Variants in TNPO1 observed in about 807,000 individuals in gnomAD.
The protein encoded by TNPO1 is transportin-1.
TNPO1 carries 8 observed loss-of-function variants against 119.5 expected under a neutral mutation model. The observed-to-expected ratio is 0.07, with a 90% CI of 0.04 to 0.12. The LOEUF (loss-of-function observed/expected upper bound fraction) is 0.12, where lower values mean the gene tolerates loss of function less well. Among genes scored for constraint, TNPO1 ranks in the 10% least tolerant of loss-of-function variants. The probability of loss-of-function intolerance (pLI) is 1.00; values close to 1 mark genes in which losing one functional copy is unlikely to be tolerated. For synonymous variants in TNPO1, 362 were observed against 363.0 expected (o/e 1.00, Z 0.03); for missense variants, 576 against 1,089.8 (o/e 0.53, Z 6.64).
chr5:72,873,413 G>A (rs1313448905), intron 7 of TNPO1, among the ~76,000 whole-genome samples: 2 of 152,106 alleles, frequency 1.3e-5, no homozygotes, highest in East Asian at 3.8e-4. Context: ...AAATTATAAG[G>A]AAGAGTAGGG....
chr5:72,824,172 T>C (rs750506330), intron 1 of TNPO1, among the ~76,000 whole-genome samples: 2 of 152,210 alleles, frequency 1.3e-5, no homozygotes, highest in Non-Finnish European at 2.9e-5. Flanking sequence ...TCTCATCTGC[T>C]CAAGGACTTT....
chr5:72,906,004 G>A (rs1750115665), intron 24 of TNPO1, among the ~76,000 whole-genome samples: 1 of 152,154 alleles, frequency 6.6e-6, no homozygotes, highest in Admixed American at 6.5e-5. Flanking sequence ...TAGGTATAAA[G>A]AAATCCACGT....
At chr5:72,898,411 T>G (rs1450138362) in intron 20 of TNPO1, among the ~76,000 whole-genome samples, 1 of 152,172 alleles carries the variant, frequency 6.6e-6, no homozygotes, top group African/African-American at 2.4e-5. Flanking sequence ...CCTACATAAA[T>G]AAGTCATAAT....
chr5:72,902,691 A>G (rs1749880388), intron 22 of TNPO1, among the ~76,000 whole-genome samples: 1 of 152,178 alleles, frequency 6.6e-6, no homozygotes, highest in Admixed American at 6.5e-5. Context: ...TAAAATTGTT[A>G]CCAACTTAAG....
chr5:72,878,130 A>T (rs1171546814), intron 9 of TNPO1, among the ~76,000 whole-genome samples: 1 of 152,106 alleles, frequency 6.6e-6, no homozygotes, highest in African/African-American at 2.4e-5. Context: ...ATAAATGACG[A>T]TTATATATGT....
chr5:72,832,244 A>G (rs1744508235), intron 1 of TNPO1, among the ~76,000 whole-genome samples: 1 of 152,142 alleles, frequency 6.6e-6, no homozygotes, highest in Admixed American at 6.5e-5. Context: ...CCTCAGCAGC[A>G]TAGGATATTA....
chr5:72,901,933 A>G (rs1360672049), intron 22 of TNPO1, among the ~76,000 whole-genome samples: 2 of 152,062 alleles, frequency 1.3e-5, no homozygotes, highest in African/African-American at 4.8e-5. Context: ...AAAATTAGCC[A>G]GGCTTGGTGG....
intron 2 of TNPO1, among the ~76,000 whole-genome samples, chr5:72,849,028 G>A (rs1374706580): frequency 6.6e-6 from 1 of 152,098 alleles, no homozygotes; most frequent in Admixed American, 6.5e-5. Context: ...GGTCTTGGGG[G>A]TTTTTCCACG....
At chr5:72,904,795 C>G (rs1375780952) in intron 23 of TNPO1, among the ~76,000 whole-genome samples, 2 of 151,990 alleles carry the variant, frequency 1.3e-5, no homozygotes, top group Non-Finnish European at 1.5e-5. Flanking sequence ...GAAACTCTGT[C>G]CCCGCCACAC....
At chr5:72,850,618 G>A (rs917187999) in intron 2 of TNPO1, among the ~76,000 whole-genome samples, 2 of 152,164 alleles carry the variant, frequency 1.3e-5, no homozygotes, top group Admixed American at 6.5e-5. Flanking sequence ...GCTGCCTCCC[G>A]ACAGCGATGA....
At chr5:72,823,818 A>G (rs1561290342) in intron 1 of TNPO1, among the ~76,000 whole-genome samples, 2 of 152,138 alleles carry the variant, frequency 1.3e-5, no homozygotes, top group Admixed American at 6.5e-5. Context: ...ACACATGGCC[A>G]CAAACCTTAA....
At position 72,897,639 on chromosome 5, in the gene TNPO1, T is replaced by A. The variant is rs867126314; in HGVS notation, c.2338+488T>A. Among the ~76,000 whole-genome samples the A allele has an allele frequency of 5.9e-5, 9 of 151,992 alleles. No individual in the cohort carries two copies. The East Asian group carries it at 7.7e-4, about 13-fold the overall frequency. On this transcript the variant is annotated intron_variant, in intron 20 of 24. Coordinates refer to ENST00000337273, the MANE Select transcript of TNPO1 (RefSeq NM_002270.4). ...TGGGATTTTTTTTTTAATTTATTTT[T>A]TTTTTTTTAGGAAGCTTGTTTCTCT...
At chr5:72,857,520 C>T (rs996786345) in intron 4 of TNPO1, among the ~76,000 whole-genome samples, 6 of 152,180 alleles carry the variant, frequency 3.9e-5, no homozygotes, top group Admixed American at 2.6e-4. Context: ...TGTACTCTTA[C>T]GTACCTTAAG....
intron 18 of TNPO1, among the ~76,000 whole-genome samples, chr5:72,895,691 T>G (rs980544111): frequency 6.6e-6 from 1 of 152,216 alleles, no homozygotes; most frequent in African/African-American, 2.4e-5. Context: ...AAGATACTTA[T>G]ATAGGGAGAC....
In TNPO1 at chr5:72,910,810, T is replaced by A. The variant is rs78875903; in HGVS notation, c.*2137T>A. Reference sequence around the variant, plus strand: ...TACTATGTGTGTGTGTGTGTTTTGTTTTGTTTTGTTCTGTTTTTTAACGTT... The same window carrying A: ...TACTATGTGTGTGTGTGTGTTTTGTATTGTTTTGTTCTGTTTTTTAACGTT... On this transcript the variant is annotated 3_prime_UTR_variant, in exon 25 of 25. Transcript: ENST00000337273. 1.3e-5 allele frequency: 2 copies of A among 151,394 alleles called. No homozygotes were observed. Among genetic ancestry groups the A allele is most frequent in the Non-Finnish European group, 2.9e-5 (2 of 67,828 alleles). The allele number at this position is 151,394 out of a possible 1,614,324, so 9.4% of individuals were successfully genotyped here.
intron 24 of TNPO1, among the ~76,000 whole-genome samples, chr5:72,906,275 C>CGTTTTT (rs1750152057): frequency 1.8e-5 from 1 of 54,674 alleles, no homozygotes; most frequent in African/African-American, 6.8e-5. Context: ...TTTTTTTTTT[C>CGTTTTT]TTTTTTTTTT....
At chr5:72,819,582 T>C (rs1465304193) in intron 1 of TNPO1, among the ~76,000 whole-genome samples, 1 of 152,170 alleles carries the variant, frequency 6.6e-6, no homozygotes, top group Non-Finnish European at 1.5e-5. Flanking sequence ...AGTGGCTACA[T>C]CTTAATCCAA....
At chr5:72,829,777 GCC>G (rs1378024354) in intron 1 of TNPO1, among the ~76,000 whole-genome samples, 2 of 152,154 alleles carry the variant, frequency 1.3e-5, no homozygotes, top group African/African-American at 4.8e-5. Context: ...TGAGACAAGA[GCC>G]CCAGATTCCT....
intron 14 of TNPO1, among the ~76,000 whole-genome samples, chr5:72,891,125 G>A (rs1305600713): frequency 6.6e-6 from 1 of 151,850 alleles, no homozygotes; most frequent in East Asian, 2.0e-4. Context: ...TTACAGGTGT[G>A]AGCCACCATG....
Sources: gnomAD v4.1 joint callset for allele counts (sites outside exome capture counted in the v4.1 genomes callset) on GRCh38, gnomAD v4.1.1 for gene constraint, MANE v1.5 for transcripts, NCBI Gene and HGNC (gene_info 2026-07-23, HGNC 2026-07-21) for gene names.